DTNA: variants seen among roughly 807,000 people sequenced by gnomAD.
The protein encoded by DTNA is dystrophin-related protein 3.
A neutral mutation model predicts 100.7 loss-of-function variants in DTNA; 43 were observed. The ratio of observed to expected loss-of-function variants is 0.43; its 90% CI spans 0.33 to 0.55. The LOEUF (loss-of-function observed/expected upper bound fraction) is 0.55, where lower values mean the gene tolerates loss of function less well. DTNA is among the 20% of genes least tolerant of loss of function. The pLI is 0.04. For synonymous variants in DTNA, 349 were observed against 347.9 expected, an observed-to-expected ratio of 1.00 and a Z score of -0.04; for missense variants, 798 against 953.9, an observed-to-expected ratio of 0.84 and a Z score of 2.15.
chr18:34,678,236 A>G (rs974281560), intron 1 of DTNA, among the ~76,000 whole-genome samples: 2 of 152,142 alleles, frequency 1.3e-5, no homozygotes, highest in Non-Finnish European at 1.5e-5. Flanking sequence ...CGTAATGAAC[A>G]TGTCTGAGAA....
At chr18:34,605,537 C>T (rs1308824605) in intron 1 of DTNA, among the ~76,000 whole-genome samples, 1 of 151,770 alleles carries the variant, frequency 6.6e-6, no homozygotes, top group African/African-American at 2.4e-5. Flanking sequence ...AGGGATGAAG[C>T]AAATGAAAGT....
intron 1 of DTNA, among the ~76,000 whole-genome samples, chr18:34,659,291 A>G (rs2074833156): frequency 6.6e-6 from 1 of 152,204 alleles, no homozygotes; most frequent in African/African-American, 2.4e-5. Flanking sequence ...TATCAAAACT[A>G]TTATCATTTC....
At chr18:34,728,402 A>T (rs1904803) in intron 1 of DTNA, among the ~76,000 whole-genome samples, 84 of 152,136 alleles carry the variant, frequency 5.5e-4, no homozygotes, top group Admixed American at 2.4e-3. Context: ...TAAAAAATTT[A>T]AAAAAATAAA....
chr18:34,769,979 C>A (rs1466980571), intron 3 of DTNA, among the ~76,000 whole-genome samples: 1 of 151,888 alleles, frequency 6.6e-6, no homozygotes, highest in African/African-American at 2.4e-5. Context: ...CCTTGGCCTC[C>A]CAAAGTGCTA....
chr18:34,879,135 C>T (rs948400026), intron 19 of DTNA, among the ~76,000 whole-genome samples: 1 of 152,080 alleles, frequency 6.6e-6, no homozygotes, highest in East Asian at 1.9e-4. Context: ...ATAGGGTTCA[C>T]TTAATATTTT....
intron 17 of DTNA, chr18:34,867,804 C>T: frequency 1.0e-6 from 1 of 985,518 alleles, no homozygotes; most frequent in Non-Finnish European, 1.2e-6. Flanking sequence ...GGCGCCACTG[C>T]CCCCTCACCT....
chr18:34,737,289 T>A (rs2089795856), intron 1 of DTNA, among the ~76,000 whole-genome samples: 2 of 152,178 alleles, frequency 1.3e-5, no homozygotes, highest in Admixed American at 1.3e-4. Context: ...ACATATAGTT[T>A]AAATTGTGAA....
chr18:34,875,064 G>T (rs960933173), intron 17 of DTNA, among the ~76,000 whole-genome samples, 175 bp from the exon 18 acceptor site: 2 of 152,144 alleles, frequency 1.3e-5, no homozygotes, highest in African/African-American at 2.4e-5. Flanking sequence ...ATACAATAAG[G>T]TCCTAAATTA....
At chr18:34,855,772 A>G (rs909081094) in intron 15 of DTNA, among the ~76,000 whole-genome samples, 1 of 152,188 alleles carries the variant, frequency 6.6e-6, no homozygotes. Context: ...TCACAAGCCC[A>G]CGAATATTTT....
At chr18:34,876,430 A>T (rs1181207502) in intron 18 of DTNA, among the ~76,000 whole-genome samples, 1 of 152,234 alleles carries the variant, frequency 6.6e-6, no homozygotes, top group Non-Finnish European at 1.5e-5. Context: ...GTTATACAAA[A>T]ATCATGTAGA....
intron 1 of DTNA, among the ~76,000 whole-genome samples, chr18:34,511,392 A>C: frequency 6.6e-6 from 1 of 152,104 alleles, no homozygotes; most frequent in East Asian, 1.9e-4. Context: ...AAGATAGGAA[A>C]AGTGATCCTA....
intron 5 of DTNA, among the ~76,000 whole-genome samples, chr18:34,807,441 T>A (rs1259145243): frequency 6.6e-6 from 1 of 152,200 alleles, no homozygotes; most frequent in Non-Finnish European, 1.5e-5. Context: ...TGCAGCCATC[T>A]GTGTGGCTCA....
intron 1 of DTNA, among the ~76,000 whole-genome samples, chr18:34,591,784 G>T (rs1446364548): frequency 2.6e-5 from 4 of 152,052 alleles, no homozygotes; most frequent in African/African-American, 9.7e-5. Context: ...TCTATCTTTT[G>T]ATCTTTTTAA....
intron 1 of DTNA, among the ~76,000 whole-genome samples, chr18:34,529,169 G>A (rs920934044): frequency 2.6e-5 from 4 of 152,072 alleles, no homozygotes; most frequent in Non-Finnish European, 4.4e-5. Context: ...ACCCATTCTA[G>A]TGACTGCTTA....
intron 1 of DTNA, among the ~76,000 whole-genome samples, chr18:34,518,769 TTAGG>T (rs1344742981): frequency 6.7e-6 from 1 of 150,152 alleles, no homozygotes; most frequent in East Asian, 2.0e-4. Flanking sequence ...TGAGACACTA[TTAGG>T]TAGTAAAGAC....
At chr18:34,877,030 A>G (rs1013547435) in intron 18 of DTNA, among the ~76,000 whole-genome samples, 2 of 152,174 alleles carry the variant, frequency 1.3e-5, no homozygotes, top group Non-Finnish European at 2.9e-5. Flanking sequence ...GTGTGCCTGA[A>G]ACAAAATAAT....
At chr18:34,774,669 A>G (rs992548018) in intron 3 of DTNA, among the ~76,000 whole-genome samples, 10 of 152,332 alleles carry the variant, frequency 6.6e-5, no homozygotes, top group African/African-American at 1.9e-4. Context: ...ACATAAATGC[A>G]TATTTATTTT....
At position 34,818,204 on chromosome 18, in the gene DTNA, T is replaced by C. The variant is rs758308153; in HGVS notation, c.750T>C (p.Ser250=). Residue 250 remains serine, a synonymous_variant, in exon 8 of 23, where the codon AGT becomes AGC. Coordinates refer to ENST00000444659, the MANE Select transcript of DTNA (RefSeq NM_001386795.1). The part of the protein sequence containing the change: ...PVECSYCHSE[S]MMGFRYRCQQ... Reference sequence around the variant, plus strand: ...AGTGTTCCTACTGCCACAGTGAGAGTATGATGGGATTTCGCTACCGATGCC... The same window carrying C: ...AGTGTTCCTACTGCCACAGTGAGAGCATGATGGGATTTCGCTACCGATGCC... 38 of 1,614,006 alleles carry C rather than the reference T, an allele frequency of 2.4e-5. No homozygotes were observed. The highest frequency in any genetic ancestry group is 3.2e-5 in the Non-Finnish European group (38 of 1,179,958).
At chr18:34,535,512 C>G (rs1320426668) in intron 1 of DTNA, among the ~76,000 whole-genome samples, 1 of 152,054 alleles carries the variant, frequency 6.6e-6, no homozygotes, top group Non-Finnish European at 1.5e-5. Flanking sequence ...TCCCATTTGT[C>G]AAATATGGCT....
Sources: gnomAD v4.1 joint callset for allele counts (sites outside exome capture counted in the v4.1 genomes callset) on GRCh38, gnomAD v4.1.1 for gene constraint, MANE v1.5 for transcripts, NCBI Gene and HGNC (gene_info 2026-07-23, HGNC 2026-07-21) for gene names.